DTNA: variants seen among roughly 807,000 people sequenced by gnomAD.
The protein encoded by DTNA is dystrobrevin alpha, also known as dystrophin-related protein 3.
In DTNA, 43 loss-of-function variants were observed where a neutral mutation model predicts 100.7. That is an observed-to-expected ratio of 0.43 (90% CI 0.33 to 0.55). The LOEUF (loss-of-function observed/expected upper bound fraction) is 0.55, where lower values mean the gene tolerates loss of function less well. Among genes scored for constraint, DTNA ranks in the 20% least tolerant of loss-of-function variants. The pLI, the probability that DTNA is intolerant of heterozygous loss-of-function variation, is 0.04. For missense variants in DTNA, 798 were observed against 953.9 expected (o/e 0.84, Z 2.15); for synonymous variants, 349 against 347.9 (o/e 1.00, Z -0.04).
At chr18:34,514,307 G>A (rs1028983170) in intron 1 of DTNA, among the ~76,000 whole-genome samples, 1 of 152,050 alleles carries the variant, frequency 6.6e-6, no homozygotes, top group Non-Finnish European at 1.5e-5. Flanking sequence ...CTGGTTGTTG[G>A]GGGGAGTGAA....
At chr18:34,726,812 G>A (rs774710130) in intron 1 of DTNA, among the ~76,000 whole-genome samples, 3 of 152,216 alleles carry the variant, frequency 2.0e-5, no homozygotes, top group Non-Finnish European at 4.4e-5. Flanking sequence ...CCCAACTGAA[G>A]GACAGCAACC....
At chr18:34,691,049 T>C (rs935954107) in intron 1 of DTNA, among the ~76,000 whole-genome samples, 1 of 152,222 alleles carries the variant, frequency 6.6e-6, no homozygotes, top group African/African-American at 2.4e-5. Context: ...GAGCTCCTAA[T>C]TGTGATGCTC....
intron 1 of DTNA, among the ~76,000 whole-genome samples, chr18:34,644,474 C>T (rs944813260): frequency 1.3e-5 from 2 of 152,102 alleles, no homozygotes; most frequent in African/African-American, 4.8e-5. Flanking sequence ...GGATTACAGA[C>T]ATTAAAACAT....
rs2148227633 is a variant in DTNA at position 34,756,038 on chromosome 18, A to C, written c.62A>C (p.Glu21Ala). 1 of 1,613,116 alleles carries C rather than the reference A, an allele frequency of 6.2e-7. No individual in the cohort carries two copies. Among genetic ancestry groups the C allele is most frequent in the East Asian group, 2.2e-5 (1 of 44,778 alleles). ...TMAERRQLFA[E>A]MRAQDLDRIR... ...GCAGAAAGAAGACAGCTGTTTGCAG[A>C]GATGAGTAAGTATGGATCTTTTAAG... Residue 21 changes from glutamate to alanine, a missense_variant, in exon 2 of 23, where the codon GAG (glutamate) becomes GCG (alanine). Glu to Ala is a moderately radical substitution (Grantham distance 107). This residue lies in a region of DTNA where 197 missense variants were observed against 215.4 expected (regional missense o/e 0.91). Transcript: ENST00000444659.
At chr18:34,811,577 A>C (rs1210794251) in intron 5 of DTNA, among the ~76,000 whole-genome samples, 2 of 152,198 alleles carry the variant, frequency 1.3e-5, no homozygotes, top group Non-Finnish European at 2.9e-5. Flanking sequence ...TTTATAGTAA[A>C]ACTCTCATTG....
intron 9 of DTNA, chr18:34,821,168 G>A (rs2095707189): frequency 1.6e-6 from 1 of 619,072 alleles, no homozygotes; most frequent in Non-Finnish European, 3.0e-6. Context: ...AGAAAGCTTA[G>A]TTATAAAATA....
chr18:34,764,022 A>G (rs1359190917), intron 2 of DTNA, among the ~76,000 whole-genome samples: 2 of 152,216 alleles, frequency 1.3e-5, no homozygotes, highest in Non-Finnish European at 1.5e-5. Flanking sequence ...TCAGAAATGA[A>G]TTCTCAAATG....
chr18:34,837,992 A>G, intron 11 of DTNA, 102 bp from the exon 12 acceptor site: 2 of 1,025,418 alleles, frequency 2.0e-6, no homozygotes, highest in Non-Finnish European at 3.0e-6. Flanking sequence ...ATCTGTCTAA[A>G]TGAAACTTGG....
rs183338674 is a variant in DTNA, at chr18:34,790,632, C to T, written c.149-3405C>T. 4.1e-4 allele frequency among the ~76,000 whole-genome samples: 55 copies of T among 135,550 alleles called. 1 individual carries two copies. Among genetic ancestry groups the T allele is most frequent in the Middle Eastern group, 5.5e-3 (1 of 182 alleles). 88.9% of individuals were successfully genotyped at this position (135,550 alleles called of 152,430 possible). On this transcript the variant is annotated intron_variant, in intron 3 of 22. Coordinates refer to ENST00000444659, the MANE Select transcript of DTNA (RefSeq NM_001386795.1). ...TGTTGCCCAGGTTGGAGTGCAGTGG[C>T]GCAATCTTGGCTCACTGCAAGCTCC...
chr18:34,738,707 G>A (rs527318175), intron 1 of DTNA, among the ~76,000 whole-genome samples: 8 of 152,162 alleles, frequency 5.3e-5, no homozygotes, highest in Non-Finnish European at 1.0e-4. Flanking sequence ...AGAGGACAGC[G>A]CGTGACGGTG....
At chr18:34,803,092 A>G (rs191709774) in intron 4 of DTNA, among the ~76,000 whole-genome samples, 16 of 152,290 alleles carry the variant, frequency 1.1e-4, no homozygotes, top group Admixed American at 7.8e-4. Context: ...TGGGATAAGC[A>G]AAGTATGAAC....
intron 1 of DTNA, among the ~76,000 whole-genome samples, chr18:34,575,966 CTTAAAATGCCAGAGCCTG>C (rs1423391471): frequency 6.6e-6 from 1 of 152,206 alleles, no homozygotes; most frequent in Non-Finnish European, 1.5e-5. Context: ...AATGACCTCT[CTTAAAATGCCAGAGCCTG>C]TCAGAAATTT....
At chr18:34,758,485 A>G (rs918143350) in intron 2 of DTNA, among the ~76,000 whole-genome samples, 15 of 152,236 alleles carry the variant, frequency 9.9e-5, no homozygotes, top group African/African-American at 3.6e-4. Context: ...AAGTACTTTA[A>G]GCACTGGGGA....
At chr18:34,663,433 G>A (rs2075472735) in intron 1 of DTNA, among the ~76,000 whole-genome samples, 1 of 152,120 alleles carries the variant, frequency 6.6e-6, no homozygotes, top group Non-Finnish European at 1.5e-5. Context: ...CCAAAGTGTT[G>A]GGATTAGAGG....
chr18:34,755,912 G>A, intron 1 of DTNA, 64 bp from the exon 2 acceptor site: 1 of 1,436,014 alleles, frequency 7.0e-7, no homozygotes, highest in Non-Finnish European at 9.8e-7. Context: ...TACGTTTACA[G>A]AGAAATGGCT....
upstream of DTNA, among the ~76,000 whole-genome samples, chr18:34,710,099 G>A (rs369564718): frequency 3.3e-5 from 5 of 152,118 alleles, no homozygotes; most frequent in East Asian, 7.7e-4. Flanking sequence ...TCTTGTTCAT[G>A]AAGTTGAGTC....
chr18:34,832,851 G>A (rs572186297), intron 11 of DTNA, among the ~76,000 whole-genome samples: 2 of 152,168 alleles, frequency 1.3e-5, no homozygotes, highest in South Asian at 4.1e-4. Flanking sequence ...ATTTAAGTTA[G>A]TGTGATGGCC....
intron 1 of DTNA, among the ~76,000 whole-genome samples, chr18:34,495,484 T>C (rs1173544618): frequency 6.6e-6 from 1 of 152,214 alleles, no homozygotes; most frequent in East Asian, 1.9e-4. Context: ...ATTTCATAGG[T>C]TATTAGTCTG....
chr18:34,707,714 C>A (rs1314784308), upstream of DTNA, among the ~76,000 whole-genome samples: 1 of 152,172 alleles, frequency 6.6e-6, no homozygotes, highest in Non-Finnish European at 1.5e-5. Flanking sequence ...CTCTATTCAG[C>A]CAGCCACACA....
Sources: allele counts gnomAD v4.1 joint callset (sites outside exome capture counted in the v4.1 genomes callset), GRCh38; gene constraint gnomAD v4.1.1; regional missense constraint gnomAD v4.1.1; transcripts MANE v1.5; gene names NCBI Gene and HGNC (gene_info 2026-07-23, HGNC 2026-07-21).